CPSF3: variants seen among roughly 807,000 people sequenced by gnomAD.
CPSF3 encodes the protein cleavage and polyadenylation specificity factor subunit 3.
Under a neutral mutation model 84.1 loss-of-function variants are expected in CPSF3, and 57 were observed. That is an observed-to-expected ratio of 0.68 (90% confidence interval 0.55 to 0.85). The LOEUF (loss-of-function observed/expected upper bound fraction) is 0.85. Ranked by LOEUF, CPSF3 falls within the 40% of genes least tolerant of loss-of-function variation. The probability of loss-of-function intolerance (pLI) is 0.00; values close to 1 mark genes in which losing one functional copy is unlikely to be tolerated. For synonymous variants in CPSF3, 275 were observed against 278.1 expected, an observed-to-expected ratio of 0.99 and a Z score of 0.11; for missense variants, 522 against 838.8, an observed-to-expected ratio of 0.62 and a Z score of 4.66.
intron 5 of CPSF3, 63 bp from the exon 6 acceptor site, chr2:9,433,808 C>A: frequency 1.8e-6 from 2 of 1,105,708 alleles, no homozygotes. Flanking sequence ...TGAGTTTAAT[C>A]TATTCACTAG....
Position 9,471,358 on chromosome 2 carries a change from A to G in CPSF3, c.1872A>G (p.Glu624=), listed in dbSNP as rs777203736. ...LEIMLQDIFG[E]DCVSVKDDSI... Reference sequence around the variant, plus strand: ...TTATTTTCAGGGACATATTTGGAGAAGACTGTGTAAGTGTAAAGGATGACT... The same window carrying G: ...TTATTTTCAGGGACATATTTGGAGAGGACTGTGTAAGTGTAAAGGATGACT... The change falls in exon 17 of 18, where the codon GAA becomes GAG. Residue 624 remains glutamate (E), a synonymous_variant. Transcript: ENST00000238112. 12 of 1,609,088 alleles carry G rather than the reference A, an allele frequency of 7.5e-6. No homozygotes were observed. In the East Asian group the frequency reaches 2.7e-4, roughly 36 times the overall value.
At position 9,441,277 on chromosome 2, in the gene CPSF3, T is replaced by C. The variant is rs1680952826; in HGVS notation, c.937-541T>C. Among the ~76,000 whole-genome samples, 5 of 152,354 alleles carry C rather than the reference T, an allele frequency of 3.3e-5. No homozygotes were observed. The South Asian group carries it at 8.3e-4, about 25-fold the overall frequency. Reference sequence around the variant, plus strand: ...TTGAATCATAATAAAATAATTGATATCCGAAATAATTTAAAAGTGGACTTC... The same window carrying C: ...TTGAATCATAATAAAATAATTGATACCCGAAATAATTTAAAAGTGGACTTC... On this transcript the variant is annotated intron_variant, in intron 8 of 17. Coordinates refer to ENST00000238112, the MANE Select transcript of CPSF3 (RefSeq NM_016207.4).
chr2:9,436,757 C>T (rs1024687495), intron 7 of CPSF3, among the ~76,000 whole-genome samples: 3 of 60,110 alleles, frequency 5.0e-5, no homozygotes, highest in East Asian at 4.3e-4. Flanking sequence ...GGCGACAGAG[C>T]GAGACTCCAT....
chr2:9,444,154 A>AT (rs1308148543), intron 10 of CPSF3, among the ~76,000 whole-genome samples: 20 of 141,394 alleles, frequency 1.4e-4, no homozygotes, highest in African/African-American at 4.8e-4. Context: ...ATATATATAT[A>AT]TATATTTTTT....
At chr2:9,470,359 C>G (rs957134187) in intron 16 of CPSF3, among the ~76,000 whole-genome samples, 2 of 152,250 alleles carry the variant, frequency 1.3e-5, no homozygotes, top group East Asian at 1.9e-4. Flanking sequence ...CCGCTTAATA[C>G]AGTGTTGTCA....
chr2:9,467,689 C>A lies in CPSF3; in HGVS notation c.1787-18C>A. On this transcript the variant is annotated intron_variant, in intron 15 of 17. Coordinates refer to ENST00000238112, the MANE Select transcript of CPSF3 (RefSeq NM_016207.4). ...GGAATTTAGAAACTGAACTCTCTGT[C>A]GCTTTTTTTTTTCCCAGGTGCAGTA... 1 of 1,574,486 alleles carries A rather than the reference C, an allele frequency of 6.4e-7. No homozygotes were observed. Among genetic ancestry groups the A allele is most frequent in the South Asian group, 1.2e-5 (1 of 86,568 alleles).
intron 15 of CPSF3, among the ~76,000 whole-genome samples, chr2:9,461,497 T>C (rs1681723029): frequency 1.3e-5 from 2 of 151,902 alleles, no homozygotes; most frequent in South Asian, 4.2e-4. Context: ...ACCCCATCTT[T>C]TCTAAAAATG....
chr2:9,423,661 G>T lies in CPSF3; in HGVS notation c.-113G>T. 7.2e-7 allele frequency: 1 copy of T among 1,380,238 alleles called. No individual in the cohort carries two copies. The highest frequency in any genetic ancestry group is 1.4e-5 in the South Asian group (1 of 73,334). 85.5% of individuals were successfully genotyped at this position (1,380,238 alleles called of 1,614,324 possible). A position where few individuals can be genotyped will look rare whatever the true frequency, so the allele number is the denominator to read the frequency against. Reference sequence around the variant, plus strand: ...CGCGGGCTCCGGAGTGACGGAAGTTGTGCTCTTGGTGAATGGGGTTCTTCC... The same window carrying T: ...CGCGGGCTCCGGAGTGACGGAAGTTTTGCTCTTGGTGAATGGGGTTCTTCC... On this transcript the variant is annotated 5_prime_UTR_variant, in exon 1 of 18. Coordinates refer to ENST00000238112, the MANE Select transcript of CPSF3 (RefSeq NM_016207.4).
At chr2:9,465,064 A>G (rs574183958) in intron 15 of CPSF3, among the ~76,000 whole-genome samples, 4 of 152,318 alleles carry the variant, frequency 2.6e-5, no homozygotes, top group African/African-American at 7.2e-5. Flanking sequence ...TAGATGAAGT[A>G]TGGTTTGAAT....
chr2:9,436,171 A>T, intron 6 of CPSF3, 40 bp from the exon 7 acceptor site: 1 of 1,486,598 alleles, frequency 6.7e-7, no homozygotes, highest in Non-Finnish European at 9.0e-7. Flanking sequence ...TTCTTGGAGG[A>T]TCATTGGTCT....
At chr2:9,457,135 G>T in intron 14 of CPSF3, 108 bp downstream of exon 14, 3 of 540,476 alleles carry the variant, frequency 5.6e-6, no homozygotes. Flanking sequence ...AAAGAATATT[G>T]TTGGAAAGTA....
intron 6 of CPSF3, 80 bp from the exon 7 acceptor site, chr2:9,436,128 CCCT>C: frequency 8.6e-7 from 1 of 1,162,266 alleles, no homozygotes; most frequent in Non-Finnish European, 1.2e-6. Context: ...ATTGCTTAGC[CCCT>C]CAGTATTTCA....
At chr2:9,440,414 C>T (rs1316485098) in intron 7 of CPSF3, 77 bp from the exon 8 acceptor site, 6 of 1,047,734 alleles carry the variant, frequency 5.7e-6, no homozygotes, top group African/African-American at 3.3e-5. Flanking sequence ...ATTTCTTGTT[C>T]TGTGTGTATC....
At position 9,466,161 on chromosome 2, in the gene CPSF3, TAA is replaced by T. The variant is rs747147275; in HGVS notation, c.1787-1543_1787-1542del. On this transcript the variant is annotated intron_variant, in intron 15 of 17. Transcript: ENST00000238112. ...TTTGAGACCAACTTGGGCAACATGC[TAA>T]AACCCTGTCTCTACACGCACACACA... Among the ~76,000 whole-genome samples the T allele has an allele frequency of 3.4e-4, 51 of 151,630 alleles. 1 individual carries two copies. Among genetic ancestry groups the T allele is most frequent in the Admixed American group, 7.9e-4 (12 of 15,206 alleles).
chr2:9,462,748 A>G (rs1299816505), intron 15 of CPSF3, among the ~76,000 whole-genome samples: 1 of 152,206 alleles, frequency 6.6e-6, no homozygotes, highest in East Asian at 1.9e-4. Flanking sequence ...AATTATCACT[A>G]TATTATTAGT....
chr2:9,442,023 G>A (rs745936611), intron 9 of CPSF3, 47 bp downstream of exon 9: 35 of 1,588,696 alleles, frequency 2.2e-5, no homozygotes, highest in Middle Eastern at 3.3e-4. Context: ...TCAGAATCAC[G>A]GAGGTGGCAC....
chr2:9,473,052 T>G lies in CPSF3; in HGVS notation c.*35T>G. ...TGTATATGAACTTTGAAAAAATACTTGACTCTACTTTTGTTACCTAAAATA... is the reference window on the plus strand; with the variant it reads ...TGTATATGAACTTTGAAAAAATACTGGACTCTACTTTTGTTACCTAAAATA... On this transcript the variant is annotated 3_prime_UTR_variant, in exon 18 of 18. Transcript: ENST00000238112. 6.9e-7 allele frequency: 1 copy of G among 1,455,302 alleles called. No individual in the cohort carries two copies. The highest frequency in any genetic ancestry group is 9.6e-7 in the Non-Finnish European group (1 of 1,042,864). 90.1% of individuals were successfully genotyped at this position (1,455,302 alleles called of 1,614,324 possible). A position where few individuals can be genotyped will look rare whatever the true frequency, so the allele number is the denominator to read the frequency against.
chr2:9,467,812 T>C, intron 16 of CPSF3, 36 bp downstream of exon 16: 2 of 1,555,910 alleles, frequency 1.3e-6, no homozygotes. Flanking sequence ...AACAAGACAG[T>C]GACAGCGGCC....
At chr2:9,441,512 T>C (rs1680959022) in intron 8 of CPSF3, among the ~76,000 whole-genome samples, 1 of 152,216 alleles carries the variant, frequency 6.6e-6, no homozygotes, top group African/African-American at 2.4e-5. Flanking sequence ...ACTCTTCCTT[T>C]TACTTTTCTG....
Sources: gnomAD v4.1 joint callset for allele counts (sites outside exome capture counted in the v4.1 genomes callset) on GRCh38, gnomAD v4.1.1 for gene constraint, MANE v1.5 for transcripts, NCBI Gene and HGNC (gene_info 2026-07-23, HGNC 2026-07-21) for gene names.